The following TAS2R1 variants were observed in gnomAD, a reference collection of about 807,000 sequenced individuals.
TAS2R1 encodes taste receptor type 2 member 1.
For synonymous variants in TAS2R1, 141 were observed against 134.2 expected (o/e 1.05, Z -0.35); for missense variants, 370 against 353.4 (o/e 1.05, Z -0.38).
At chr5:9,901,660 G>A in the TAS2R1 span, among the ~76,000 whole-genome samples, 5 of 152,018 alleles carry the variant, frequency 3.3e-5, no homozygotes. Flanking sequence ...AATTGGAAGG[G>A]GAAAAGACAG....
chr5:9,767,456 A>G, the TAS2R1 span, among the ~76,000 whole-genome samples: 1 of 152,122 alleles, frequency 6.6e-6, no homozygotes, highest in African/African-American at 2.4e-5. Flanking sequence ...TATGTGGCTC[A>G]GTTTTCTCAT....
intron 1 of TAS2R1, among the ~76,000 whole-genome samples, chr5:9,682,637 G>A (rs927436153): frequency 1.3e-5 from 2 of 152,168 alleles, no homozygotes; most frequent in South Asian, 4.1e-4. Flanking sequence ...CTATGATCAT[G>A]ATGATTTTAA....
chr5:9,637,234 T>C (rs572701957), intron 2 of TAS2R1, among the ~76,000 whole-genome samples: 10 of 152,330 alleles, frequency 6.6e-5, no homozygotes, highest in African/African-American at 2.4e-4. Flanking sequence ...TTATTTTGTT[T>C]CAGGAGGCTA....
At chr5:9,653,678 T>A (rs1285607590) in intron 2 of TAS2R1, among the ~76,000 whole-genome samples, 2 of 152,218 alleles carry the variant, frequency 1.3e-5, no homozygotes, top group Non-Finnish European at 2.9e-5. Context: ...TTGCTCACTC[T>A]TACTTTCTGT....
the TAS2R1 span, among the ~76,000 whole-genome samples, chr5:9,855,915 C>T: frequency 1.3e-5 from 2 of 151,332 alleles, no homozygotes; most frequent in African/African-American, 4.8e-5. Context: ...GCCCTACATT[C>T]TGATTGGTAT....
the TAS2R1 span, among the ~76,000 whole-genome samples, chr5:9,724,899 T>A: frequency 2.0e-5 from 3 of 152,200 alleles, no homozygotes; most frequent in Non-Finnish European, 4.4e-5. Context: ...ACTAAATCAG[T>A]CAATTCAGCA....
chr5:9,644,037 G>A (rs1379366858), intron 2 of TAS2R1, among the ~76,000 whole-genome samples: 1 of 152,176 alleles, frequency 6.6e-6, no homozygotes, highest in South Asian at 2.1e-4. Context: ...ACCCTGCAAT[G>A]TGTGGGGCAG....
intron 1 of TAS2R1, among the ~76,000 whole-genome samples, chr5:9,710,023 T>C (rs1381019118): frequency 6.6e-6 from 1 of 152,246 alleles, no homozygotes; most frequent in East Asian, 1.9e-4. Flanking sequence ...CGGAGTCTTT[T>C]GAAATATTTT....
the TAS2R1 span, among the ~76,000 whole-genome samples, chr5:9,880,045 T>A: frequency 6.6e-6 from 1 of 152,186 alleles, no homozygotes; most frequent in Non-Finnish European, 1.5e-5. Flanking sequence ...CCATAGAGTA[T>A]GCTTAACATA....
the TAS2R1 span, among the ~76,000 whole-genome samples, chr5:9,769,183 G>T: frequency 6.6e-6 from 1 of 152,014 alleles, no homozygotes; most frequent in Non-Finnish European, 1.5e-5. Flanking sequence ...GTCTTTCTGT[G>T]CCTGGTTTAT....
At chr5:9,775,731 G>T in the TAS2R1 span, among the ~76,000 whole-genome samples, 1 of 151,704 alleles carries the variant, frequency 6.6e-6, no homozygotes. Flanking sequence ...TAGAAATTTT[G>T]CCCAGAAGCC....
At chr5:9,882,471 C>T in the TAS2R1 span, among the ~76,000 whole-genome samples, 1 of 151,978 alleles carries the variant, frequency 6.6e-6, no homozygotes, top group Non-Finnish European at 1.5e-5. Context: ...AATAAAAATA[C>T]AAAAATTAGC....
chr5:9,715,065 C>T (rs1734775894), upstream of TAS2R1, among the ~76,000 whole-genome samples: 1 of 152,068 alleles, frequency 6.6e-6, no homozygotes, highest in African/African-American at 2.4e-5. Flanking sequence ...AAAGGGGACT[C>T]CAGGAAGATA....
At chr5:9,632,433 A>C (rs1256660192), upstream of TAS2R1, among the ~76,000 whole-genome samples, 1 of 152,178 alleles carries the variant, frequency 6.6e-6, no homozygotes, top group Non-Finnish European at 1.5e-5. Context: ...TTCTTAAAAT[A>C]AGACAGCAAT....
At chr5:9,850,606 A>G in the TAS2R1 span, among the ~76,000 whole-genome samples, 6 of 152,228 alleles carry the variant, frequency 3.9e-5, no homozygotes, top group Non-Finnish European at 8.8e-5. Context: ...GAACTGGCAC[A>G]TGCTGGGCTC....
chr5:9,813,727 T>C, the TAS2R1 span, among the ~76,000 whole-genome samples: 1 of 152,186 alleles, frequency 6.6e-6, no homozygotes, highest in Non-Finnish European at 1.5e-5. Context: ...GACTTCCAAA[T>C]AATGCTTGAA....
chr5:9,760,245 A>G, the TAS2R1 span, among the ~76,000 whole-genome samples: 1 of 152,246 alleles, frequency 6.6e-6, no homozygotes, highest in Non-Finnish European at 1.5e-5. Context: ...AGCTGGAATT[A>G]CTGGTGAATT....
chr5:9,774,928 C>A, the TAS2R1 span, among the ~76,000 whole-genome samples: 2 of 152,196 alleles, frequency 1.3e-5, no homozygotes, highest in Non-Finnish European at 2.9e-5. Context: ...TAACCACTGC[C>A]CAGCTACCAC....
the TAS2R1 span, among the ~76,000 whole-genome samples, chr5:9,779,319 T>G: frequency 6.6e-6 from 1 of 152,202 alleles, no homozygotes; most frequent in African/African-American, 2.4e-5. Context: ...GTGTCATGCT[T>G]CCTATACAAC....
Sources: allele counts gnomAD v4.1 joint callset (sites outside exome capture counted in the v4.1 genomes callset), GRCh38; gene constraint gnomAD v4.1.1; transcripts MANE v1.5; gene names NCBI Gene and HGNC (gene_info 2026-07-23, HGNC 2026-07-21).